The following CAPN15 variants were observed in gnomAD, a reference collection of about 807,000 sequenced individuals.
CAPN15 encodes the protein calpain-15.
Under a neutral mutation model 97.9 loss-of-function variants are expected in CAPN15, and 53 were observed. The observed-to-expected ratio is 0.54, with a 90% confidence interval of 0.43 to 0.68. CAPN15 has a LOEUF of 0.68. Ranked by LOEUF, CAPN15 falls within the 30% of genes least tolerant of loss-of-function variation. The pLI, the probability that CAPN15 is intolerant of heterozygous loss-of-function variation, is 0.00. For missense variants in CAPN15, 1,592 were observed against 1,589.8 expected, an observed-to-expected ratio of 1.00 and a Z score of -0.02; for synonymous variants, 922 against 722.5, an observed-to-expected ratio of 1.28 and a Z score of -4.43.
chr16:543,740 C>T lies in CAPN15; in HGVS notation c.-22-3077C>T, dbSNP rs549597229. 5.3e-5 allele frequency among the ~76,000 whole-genome samples: 8 copies of T among 152,320 alleles called. No homozygotes were observed. The South Asian group carries it at 1.0e-3, about 20-fold the overall frequency. On this transcript the variant is annotated intron_variant, in intron 3 of 13. Coordinates refer to ENST00000219611, the MANE Select transcript of CAPN15 (RefSeq NM_005632.3). ...TCCACACGCGGAGCCCTCCCCACCA[C>T]GTGCATGCACAGGCGACCCCTGCCG...
chr16:545,140 G>C (rs895192293), intron 3 of CAPN15, among the ~76,000 whole-genome samples: 2 of 151,986 alleles, frequency 1.3e-5, no homozygotes, highest in Non-Finnish European at 2.9e-5. Context: ...CCGTGCGCGA[G>C]CCACTGCACC....
intron 3 of CAPN15, 85 bp downstream of exon 3, chr16:536,227 C>T (rs1409018583): frequency 3.4e-6 from 1 of 296,714 alleles, no homozygotes; most frequent in Non-Finnish European, 5.0e-6. Flanking sequence ...TGATAACCCC[C>T]CTGCCGAGGT....
In CAPN15 at chr16:539,867, G is replaced by A. The variant is rs190302229; in HGVS notation, c.-23+3725G>A. The A allele has an allele frequency of 1.2e-3, 185 of 152,970 alleles. 1 individual carries two copies. In the South Asian group the frequency reaches 0.014, roughly 12 times the overall value. 9.5% of individuals were successfully genotyped at this position (152,970 alleles called of 1,614,324 possible). A position where few individuals can be genotyped will look rare whatever the true frequency, so the allele number is the denominator to read the frequency against. On this transcript the variant is annotated intron_variant, in intron 3 of 13. Transcript: ENST00000219611. The stretch of plus-strand genomic sequence containing the variant: ...TAAAACGTCTCTGAATACCACAGAC[G>A]TGATGCCGGGCTTTTGGGGGCCGGG...
chr16:542,479 G>T (rs1280589103), intron 3 of CAPN15, among the ~76,000 whole-genome samples: 2 of 152,164 alleles, frequency 1.3e-5, no homozygotes, highest in Non-Finnish European at 2.9e-5. Flanking sequence ...CGTCCCAGGG[G>T]GTGGGAGCTG....
At chr16:551,878 A>C in intron 9 of CAPN15, 173 bp from the exon 10 acceptor site, 1 of 971,304 alleles carries the variant, frequency 1.0e-6, no homozygotes, top group Non-Finnish European at 1.6e-6. Context: ...CCGGCCCTGG[A>C]GGGCTTCCTA....
At chr16:540,424 G>T (rs1028953347) in intron 3 of CAPN15, 1 of 871,720 alleles carries the variant, frequency 1.1e-6, no homozygotes, top group African/African-American at 1.8e-5. Flanking sequence ...AGAGGGCCTC[G>T]TTCTCAGGGT....
Position 549,284 on chromosome 16 carries a change from G to A in CAPN15, c.1659-4G>A, listed in dbSNP as rs753793707. The stretch of plus-strand genomic sequence containing the variant: ...CCGCGAGGTCACCCTGAGGCTCTGC[G>A]CAGGTTCCTGAGCGCCCTGGCGGTG... On this transcript the variant is annotated splice_region_variant and splice_polypyrimidine_tract_variant and intron_variant, in intron 5 of 13. Coordinates refer to ENST00000219611, the MANE Select transcript of CAPN15 (RefSeq NM_005632.3). 6.6e-5 allele frequency: 104 copies of A among 1,581,698 alleles called. No individual in the cohort carries two copies. Among genetic ancestry groups the A allele is most frequent in the South Asian group, 5.0e-4 (44 of 88,166 alleles).
chr16:553,340 C>T lies in CAPN15; in HGVS notation c.3085C>T (p.Gln1029Ter), dbSNP rs1262909446. The T allele has an allele frequency of 1.3e-6, 2 of 1,598,220 alleles. No homozygotes were observed. Among genetic ancestry groups the T allele is most frequent in the Non-Finnish European group, 1.7e-6 (2 of 1,171,922 alleles). ...GTCCTCACCGGTCCCCTCCCCCAGG[C>T]AGGTCCTGGTGATCTTGTCCCAGCT... is the stretch of plus-strand genomic sequence containing the variant. ...TQDSVPPLHR[Q>*]VLVILSQLEG... Residue 1029 changes from glutamine (Q) to a stop codon, truncating the protein, a stop_gained and splice_region_variant, in exon 14 of 14, where the codon CAG (glutamine) becomes TAG (stop). Transcript: ENST00000219611. LOFTEE classifies it high-confidence loss of function.
rs1399375526 is a variant in CAPN15, at chr16:552,669, G to A, written c.2802G>A (p.Val934=). 7 of 1,543,690 alleles carry A rather than the reference G, an allele frequency of 4.5e-6. No individual in the cohort carries two copies. In the Admixed American group the frequency reaches 9.8e-5, roughly 22 times the overall value. The change falls in exon 12 of 14, where the codon GTG becomes GTA. Residue 934 remains valine, a synonymous_variant. Coordinates refer to ENST00000219611, the MANE Select transcript of CAPN15 (RefSeq NM_005632.3). The surrounding 1 kb of genome is among the most constrained non-coding windows in gnomAD (Gnocchi z 6.4). ...AGCCGCCGGGCCACGTGCTGGCTGT[G>A]TACAGCTCGAGGCTGGTCATGGTGG... ...SPEPPGHVLA[V]YSSRLVMVEP...
chr16:530,327 C>T (rs528884947), intron 1 of CAPN15, among the ~76,000 whole-genome samples: 1 of 152,344 alleles, frequency 6.6e-6, no homozygotes, highest in South Asian at 2.1e-4. Flanking sequence ...TGCAGCCGTG[C>T]GCAGAGCAGG....
At position 547,162 on chromosome 16, in the gene CAPN15, G is replaced by A. The variant is rs779157142; in HGVS notation, c.324G>A (p.Val108=). 3.9e-6 allele frequency: 6 copies of A among 1,545,102 alleles called. No homozygotes were observed. Among genetic ancestry groups the A allele is most frequent in the Non-Finnish European group, 5.2e-6 (6 of 1,149,332 alleles). ...GCTGCCAGGAGGAAGCAGGTCCAGTGAGGACTGCGGGGCTGGTGGCCACGG... is the reference window on the plus strand; with the variant it reads ...GCTGCCAGGAGGAAGCAGGTCCAGTAAGGACTGCGGGGCTGGTGGCCACGG... ...KGSCQEEAGP[V]RTAGLVATEP... is the part of the protein sequence containing the mutation. Residue 108 remains valine, a synonymous_variant, in exon 4 of 14, where the codon GTG becomes GTA. Transcript: ENST00000219611.
At chr16:534,209 T>G (rs2033504634) in intron 2 of CAPN15, among the ~76,000 whole-genome samples, 12 of 152,360 alleles carry the variant, frequency 7.9e-5, no homozygotes, top group African/African-American at 2.2e-4. Context: ...GAGGCGACGG[T>G]GAGGGCGGCC....
At chr16:537,589 C>T (rs960896967) in intron 3 of CAPN15, 7 of 300,002 alleles carry the variant, frequency 2.3e-5, no homozygotes, top group Non-Finnish European at 2.9e-5. Flanking sequence ...CGCTAGTCGC[C>T]GCTCCCACCC....
intron 3 of CAPN15, among the ~76,000 whole-genome samples, chr16:542,573 T>G (rs918097111): frequency 6.6e-6 from 1 of 152,154 alleles, no homozygotes; most frequent in Non-Finnish European, 1.5e-5. Context: ...CGTGCCTGTC[T>G]TTTTTTCATT....
chr16:541,471 G>T (rs1486193961), intron 3 of CAPN15, among the ~76,000 whole-genome samples: 4 of 151,950 alleles, frequency 2.6e-5, no homozygotes, highest in African/African-American at 9.7e-5. Flanking sequence ...GCCGTGTGGG[G>T]CCTGGTGGTC....
At chr16:536,218 G>T in intron 3 of CAPN15, 76 bp downstream of exon 3, 1 of 331,268 alleles carries the variant, frequency 3.0e-6, no homozygotes, top group Non-Finnish European at 4.3e-6. Context: ...CCCTGGACAT[G>T]ATAACCCCCC....
intron 2 of CAPN15, among the ~76,000 whole-genome samples, chr16:534,382 C>A (rs1169178681): frequency 6.6e-6 from 1 of 152,228 alleles, no homozygotes; most frequent in Non-Finnish European, 1.5e-5. Flanking sequence ...GGTGCCTGGT[C>A]CCTGGGGAGC....
intron 3 of CAPN15, among the ~76,000 whole-genome samples, chr16:543,107 C>T (rs371862055): frequency 3.9e-5 from 6 of 151,946 alleles, no homozygotes; most frequent in East Asian, 3.9e-4. Context: ...GAGCTGCGAT[C>T]GTGCCACCGC....
At chr16:550,700 GGTCGGTGAGGGTCCCCTGTCGGTGAGGGT>G (rs2034938593) in intron 7 of CAPN15, among the ~76,000 whole-genome samples, 5 of 108,648 alleles carry the variant, frequency 4.6e-5, no homozygotes, top group African/African-American at 6.5e-5. Context: ...TGAGGGTCCC[GGTCGGTGAGGGTCCCCTGTCGGTGAGGGT>G]CCCCGTCGGT....
Sources: allele counts gnomAD v4.1 joint callset (sites outside exome capture counted in the v4.1 genomes callset), GRCh38; gene constraint gnomAD v4.1.1; non-coding constraint Gnocchi (gnomAD v3.1); transcripts MANE v1.5; gene names NCBI Gene and HGNC (gene_info 2026-07-23, HGNC 2026-07-21).